DNER: variants seen among roughly 807,000 people sequenced by gnomAD.
DNER encodes delta and Notch-like epidermal growth factor-related receptor.
In DNER, 33 loss-of-function variants were observed where a neutral mutation model predicts 78.2. The observed-to-expected ratio is 0.42, with a 90% CI of 0.32 to 0.56. DNER has a LOEUF of 0.56. DNER is among the 20% of genes least tolerant of loss of function. The pLI, the probability that DNER is intolerant of heterozygous loss-of-function variation, is 0.11. For synonymous variants in DNER, 417 were observed against 384.8 expected (o/e 1.08, Z -0.98); for missense variants, 918 against 975.3 (o/e 0.94, Z 0.78).
intron 5 of DNER, among the ~76,000 whole-genome samples, chr2:229,545,767 G>A (rs1696616524): frequency 6.6e-6 from 1 of 152,150 alleles, no homozygotes; most frequent in South Asian, 2.1e-4. Context: ...ACAGGGCTCA[G>A]GGTTCCCATA....
intron 4 of DNER, among the ~76,000 whole-genome samples, chr2:229,583,622 T>C (rs943816049): frequency 1.3e-5 from 2 of 152,236 alleles, no homozygotes; most frequent in African/African-American, 4.8e-5. Context: ...TGATACTTTA[T>C]ATGTTTTCTT....
At chr2:229,674,973 G>A (rs1264705497) in intron 1 of DNER, among the ~76,000 whole-genome samples, 1 of 152,216 alleles carries the variant, frequency 6.6e-6, no homozygotes, top group Non-Finnish European at 1.5e-5. Flanking sequence ...ACATTCGCAA[G>A]CCATCAGCAT....
intron 6 of DNER, among the ~76,000 whole-genome samples, chr2:229,497,999 C>CT (rs2154211876): frequency 1.0e-5 from 1 of 95,734 alleles, no homozygotes; most frequent in South Asian, 4.0e-4. Flanking sequence ...ACTACAGGTC[C>CT]CTGATGAACA....
At chr2:229,711,498 G>A (rs369059501) in intron 1 of DNER, among the ~76,000 whole-genome samples, 9 of 152,186 alleles carry the variant, frequency 5.9e-5, no homozygotes, top group Admixed American at 1.3e-4. Flanking sequence ...ATTGACTTAC[G>A]CAAACTCAAT....
chr2:229,488,055 C>T (rs962366115), intron 6 of DNER, among the ~76,000 whole-genome samples: 1 of 152,212 alleles, frequency 6.6e-6, no homozygotes, highest in African/African-American at 2.4e-5. Flanking sequence ...ACCGCCATTT[C>T]AGGGGAGCAC....
At chr2:229,695,210 T>A (rs548865204) in intron 1 of DNER, among the ~76,000 whole-genome samples, 1 of 152,294 alleles carries the variant, frequency 6.6e-6, no homozygotes, top group South Asian at 2.1e-4. Flanking sequence ...CTTTCCTTTA[T>A]AAATCAGCCA....
chr2:229,560,359 C>A (rs1184782551), intron 4 of DNER, among the ~76,000 whole-genome samples: 2 of 152,186 alleles, frequency 1.3e-5, no homozygotes, highest in African/African-American at 4.8e-5. Flanking sequence ...TAAGACACAA[C>A]AAGTCATTTG....
chr2:229,705,582 G>A (rs1699814275), intron 1 of DNER, among the ~76,000 whole-genome samples: 1 of 152,120 alleles, frequency 6.6e-6, no homozygotes, highest in African/African-American at 2.4e-5. Flanking sequence ...AGCAGTCTGA[G>A]GCACAGCAGT....
At chr2:229,681,165 A>G (rs1323353947) in intron 1 of DNER, among the ~76,000 whole-genome samples, 1 of 152,228 alleles carries the variant, frequency 6.6e-6, no homozygotes, top group African/African-American at 2.4e-5. Flanking sequence ...ATGATATCAT[A>G]TGGCCTGCAA....
At chr2:229,485,409 A>T (rs1164172952) in intron 6 of DNER, among the ~76,000 whole-genome samples, 1 of 152,210 alleles carries the variant, frequency 6.6e-6, no homozygotes, top group African/African-American at 2.4e-5. Flanking sequence ...CACAGATTAC[A>T]TTTGGTCTAA....
intron 4 of DNER, among the ~76,000 whole-genome samples, chr2:229,550,722 C>G (rs1005926894): frequency 6.6e-6 from 1 of 152,052 alleles, no homozygotes; most frequent in South Asian, 2.1e-4. Flanking sequence ...TTGCAGTGAG[C>G]CGAGATTGCA....
intron 8 of DNER, among the ~76,000 whole-genome samples, chr2:229,435,288 A>G (rs1694099191): frequency 6.6e-6 from 1 of 152,196 alleles, no homozygotes; most frequent in Admixed American, 6.5e-5. Flanking sequence ...GCAATATAAG[A>G]GGGGTCATCC....
At chr2:229,693,407 C>T (rs1368214077) in intron 1 of DNER, among the ~76,000 whole-genome samples, 1 of 151,894 alleles carries the variant, frequency 6.6e-6, no homozygotes. Context: ...ACTGGTACCA[C>T]AGAGAGTGGG....
chr2:229,590,859 T>A (rs554716183), intron 2 of DNER, among the ~76,000 whole-genome samples: 8 of 152,304 alleles, frequency 5.3e-5, no homozygotes, highest in African/African-American at 1.9e-4. Flanking sequence ...TGGTAGGAGA[T>A]GTTTGGGCCA....
chr2:229,551,027 A>G (rs958337914), intron 4 of DNER, among the ~76,000 whole-genome samples: 2 of 152,224 alleles, frequency 1.3e-5, no homozygotes, highest in African/African-American at 2.4e-5. Flanking sequence ...CTGTTTTCAC[A>G]GGTTTACTCA....
At chr2:229,586,702 C>T (rs984888170) in intron 3 of DNER, 1 of 985,444 alleles carries the variant, frequency 1.0e-6, no homozygotes, top group Non-Finnish European at 1.2e-6. Flanking sequence ...ACCTCCCAAG[C>T]TTTGTCTCCT....
chr2:229,481,959 A>G (rs529934564), intron 6 of DNER, among the ~76,000 whole-genome samples: 1 of 152,362 alleles, frequency 6.6e-6, no homozygotes, highest in Admixed American at 6.5e-5. Flanking sequence ...GAAGGTGGGC[A>G]AGACATGGAG....
rs766111370 is a variant in DNER, at chr2:229,407,307, C to T, written c.1648G>A (p.Val550Ile). ...CELYKDPCAN[V>I]SCLNGATCDS... Reference sequence around the variant, plus strand: ...CAGGTGGCTCCGTTCAGACAGCTGACGTTAGCGCAGGGATCCTTGTACAAT... The same window carrying T: ...CAGGTGGCTCCGTTCAGACAGCTGATGTTAGCGCAGGGATCCTTGTACAAT... Residue 550 changes from valine to isoleucine, a missense_variant, in exon 10 of 13, where the codon GTC becomes ATC. Transcript: ENST00000341772. 9.3e-6 allele frequency: 15 copies of T among 1,613,802 alleles called. No homozygotes were observed. Among genetic ancestry groups the T allele is most frequent in the African/African-American group, 6.7e-5 (5 of 74,918 alleles).
chr2:229,660,692 C>A (rs1156526467), intron 1 of DNER, among the ~76,000 whole-genome samples: 5 of 152,190 alleles, frequency 3.3e-5, no homozygotes, highest in Admixed American at 1.3e-4. Flanking sequence ...CTAACAAATT[C>A]ATGAATATAT....
Sources: gnomAD v4.1 joint callset for allele counts (sites outside exome capture counted in the v4.1 genomes callset) on GRCh38, gnomAD v4.1.1 for gene constraint, MANE v1.5 for transcripts, NCBI Gene and HGNC (gene_info 2026-07-23, HGNC 2026-07-21) for gene names.